LIAS: variants seen among roughly 807,000 people sequenced by gnomAD.
LIAS encodes lipoic acid synthetase, also known as lipoyl synthase, mitochondrial.
A neutral mutation model predicts 49.4 loss-of-function variants in LIAS; 36 were observed. That is an observed-to-expected ratio of 0.73 (90% CI 0.56 to 0.96). LIAS has a LOEUF of 0.96. LIAS is among the 40% of genes least tolerant of loss of function. The pLI, the probability that LIAS is intolerant of heterozygous loss-of-function variation, is 0.00. For synonymous variants in LIAS, 145 were observed against 155.8 expected, an observed-to-expected ratio of 0.93 and a Z score of 0.52; for missense variants, 399 against 456.3, an observed-to-expected ratio of 0.87 and a Z score of 1.14.
In LIAS at chr4:39,471,267, T is replaced by G. The variant is rs1300684405; in HGVS notation, c.915T>G (p.Thr305=). The part of the protein sequence containing the change: ...ALREADVDCL[T]LGQYMQPTRR... ...GTGAGGCAGATGTAGACTGCTTGAC[T>G]TTAGGACAATATATGCAGCCAACAA... The change falls in exon 9 of 11, where the codon ACT becomes ACG. Residue 305 remains threonine, a synonymous_variant. Coordinates refer to ENST00000640888, the MANE Select transcript of LIAS (RefSeq NM_006859.4). 1 of 1,612,992 alleles carries G rather than the reference T, an allele frequency of 6.2e-7. No homozygotes were observed. Among genetic ancestry groups the G allele is most frequent in the Non-Finnish European group, 8.5e-7 (1 of 1,179,452 alleles).
At chr4:39,460,669 G>GT in intron 1 of LIAS, 121 bp from the exon 2 acceptor site, 1 of 719,756 alleles carries the variant, frequency 1.4e-6, no homozygotes, top group Non-Finnish European at 2.2e-6. Context: ...AGAGCTCCTA[G>GT]TTTGACATAA....
In LIAS at chr4:39,463,546, C is replaced by A; in HGVS notation, c.334C>A (p.Pro112Thr). ...LHTVCEEARCPNIGECWGGGE... is the reference protein window; with the variant it reads ...LHTVCEEARCTNIGECWGGGE... Reference sequence around the variant, plus strand: ...ACAGGTATGTGAGGAAGCTCGATGTCCCAATATTGGAGAGTGTTGGGGAGG... The same window carrying A: ...ACAGGTATGTGAGGAAGCTCGATGTACCAATATTGGAGAGTGTTGGGGAGG... Residue 112 changes from proline (P) to threonine (T), a missense_variant, in exon 4 of 11, where the codon CCC (proline) becomes ACC (threonine). By Grantham distance (38) the Pro-to-Thr change is conservative. Transcript: ENST00000640888. 6.2e-7 allele frequency: 1 copy of A among 1,609,896 alleles called. No individual in the cohort carries two copies. The highest frequency in any genetic ancestry group is 1.1e-5 in the South Asian group (1 of 90,446).
At chr4:39,476,130 G>T (rs2109892685) in intron 10 of LIAS, 1 of 152,252 alleles carries the variant, frequency 6.6e-6, no homozygotes, top group African/African-American at 2.4e-5. Context: ...TTTTGCTAAA[G>T]AAAAATTTCT....
intron 10 of LIAS, 54 bp from the exon 11 acceptor site, chr4:39,477,009 T>C (rs1471074670): frequency 3.0e-5 from 34 of 1,143,066 alleles, no homozygotes; most frequent in Non-Finnish European, 3.9e-5. Flanking sequence ...AATAGTTGTC[T>C]CACTGTTATT....
chr4:39,460,265 C>T (rs182540436), intron 1 of LIAS, among the ~76,000 whole-genome samples: 11 of 152,188 alleles, frequency 7.2e-5, no homozygotes, highest in South Asian at 2.1e-4. Context: ...GGTGCGGTGG[C>T]TTACGCCTGT....
chr4:39,476,855 A>G (rs1013291574), intron 10 of LIAS: 7 of 504,824 alleles, frequency 1.4e-5, no homozygotes, highest in Non-Finnish European at 1.8e-5. Context: ...AGGAGACTCT[A>G]GTCATTATTG....
At chr4:39,476,588 T>TCTTG (rs755709913) in intron 10 of LIAS, 4 of 152,846 alleles carry the variant, frequency 2.6e-5, no homozygotes, top group Non-Finnish European at 4.4e-5. Flanking sequence ...AATGAAGAGC[T>TCTTG]CTTGCTTCCC....
intron 9 of LIAS, among the ~76,000 whole-genome samples, chr4:39,472,614 A>G (rs892540974): frequency 2.6e-5 from 4 of 152,218 alleles, no homozygotes; most frequent in African/African-American, 9.7e-5. Context: ...AGGCGAAGAA[A>G]GAATGGGAAA....
In LIAS at chr4:39,478,575, T is replaced by A. The variant is rs1242681575; in HGVS notation, c.*1460T>A. The A allele has an allele frequency of 6.6e-6, 1 of 152,272 alleles. No individual in the cohort carries two copies. Among genetic ancestry groups the A allele is most frequent in the Non-Finnish European group, 1.5e-5 (1 of 68,052 alleles). The allele number at this position is 152,272 out of a possible 1,614,324, so 9.4% of individuals were successfully genotyped here. The stretch of plus-strand genomic sequence containing the variant: ...ACCTGCAAAATAGTTTTATGCTGAT[T>A]ACATTTAGTCCCTCTGAAAACACCA... On this transcript the variant is annotated 3_prime_UTR_variant, in exon 11 of 11. Transcript: ENST00000640888.
chr4:39,460,098 A>C (rs1194839855), intron 1 of LIAS, among the ~76,000 whole-genome samples: 1 of 152,276 alleles, frequency 6.6e-6, no homozygotes, highest in African/African-American at 2.4e-5. Context: ...ACTTCACTTT[A>C]AACGCCCCTG....
At chr4:39,460,351 G>T (rs1744406434) in intron 1 of LIAS, among the ~76,000 whole-genome samples, 1 of 152,044 alleles carries the variant, frequency 6.6e-6, no homozygotes, top group Non-Finnish European at 1.5e-5. Flanking sequence ...GGCTAACATG[G>T]TGAAACCCTG....
At chr4:39,469,214 T>C (rs979223128) in intron 7 of LIAS, 3 of 152,230 alleles carry the variant, frequency 2.0e-5, no homozygotes, top group African/African-American at 7.2e-5. Flanking sequence ...GTAGAGACCA[T>C]AACTTAATTT....
At position 39,462,181 on chromosome 4, in the gene LIAS, T is replaced by A; in HGVS notation, c.219-15T>A. 1 of 1,327,188 alleles carries A rather than the reference T, an allele frequency of 7.5e-7. No homozygotes were observed. The highest frequency in any genetic ancestry group is 1.4e-5 in the South Asian group (1 of 70,752). The allele number at this position is 1,327,188 out of a possible 1,614,324, so 82.2% of individuals were successfully genotyped here. A position where few individuals can be genotyped will look rare whatever the true frequency, so the allele number is the denominator to read the frequency against. On this transcript the variant is annotated splice_polypyrimidine_tract_variant and intron_variant, in intron 2 of 10. Transcript: ENST00000640888. ...GCATATTTGTTAATAGATAGTTATG[T>A]TTGGCTTTCCTTAGGTTAAGACTAC...
rs932997845 is a variant in LIAS at position 39,477,240 on chromosome 4, T to C, written c.*125T>C. 110 of 709,006 alleles carry C rather than the reference T, an allele frequency of 1.6e-4. 1 individual carries two copies. In the East Asian group the frequency reaches 3.0e-3, roughly 19 times the overall value. The allele number at this position is 709,006 out of a possible 1,614,324, so 43.9% of individuals were successfully genotyped here. A position where few individuals can be genotyped will look rare whatever the true frequency, so the allele number is the denominator to read the frequency against. ...CCACCTCTTTGCTTAAAAAAAAAAA[T>C]GTCAATAGCCAGGCATAGTGGCTCA... is the stretch of plus-strand genomic sequence containing the variant. On this transcript the variant is annotated 3_prime_UTR_variant, in exon 11 of 11. Transcript: ENST00000640888.
chr4:39,476,376 T>A (rs1675805434), intron 10 of LIAS: 1 of 152,290 alleles, frequency 6.6e-6, no homozygotes, highest in Non-Finnish European at 1.5e-5. Context: ...GTTCTACTCA[T>A]ATGTAAGATG....
At chr4:39,471,549 C>T (rs1336921783) in intron 9 of LIAS, among the ~76,000 whole-genome samples, 1 of 61,060 alleles carries the variant, frequency 1.6e-5, no homozygotes, top group Non-Finnish European at 3.1e-5. Context: ...TTTTTTGAGA[C>T]GGAGTCTCGC....
intron 9 of LIAS, among the ~76,000 whole-genome samples, chr4:39,472,572 T>C (rs1335183567): frequency 6.6e-6 from 1 of 152,216 alleles, no homozygotes; most frequent in East Asian, 1.9e-4. Context: ...ACTTGGTTAT[T>C]GTGTAACTTG....
intron 2 of LIAS, among the ~76,000 whole-genome samples, chr4:39,461,604 C>G (rs1007667670): frequency 6.6e-6 from 1 of 152,164 alleles, no homozygotes; most frequent in Non-Finnish European, 1.5e-5. Context: ...TGAAAACTTG[C>G]TCATTCTCTT....
At chr4:39,463,766 C>A in intron 4 of LIAS, 161 bp downstream of exon 4, 1 of 1,290,404 alleles carries the variant, frequency 7.7e-7, no homozygotes. Context: ...ATAATCCAAC[C>A]TGTTGTAATC....
Sources: allele counts gnomAD v4.1 joint callset (sites outside exome capture counted in the v4.1 genomes callset), GRCh38; gene constraint gnomAD v4.1.1; transcripts MANE v1.5; gene names NCBI Gene and HGNC (gene_info 2026-07-23, HGNC 2026-07-21).